Variants in CARMIL1 observed in about 807,000 individuals in gnomAD.
CARMIL1 encodes capping protein regulator and myosin 1 linker 1, also known as F-actin-uncapping protein LRRC16A.
CARMIL1 carries 90 observed loss-of-function variants against 177.1 expected under a neutral mutation model. The observed-to-expected ratio is 0.51, with a 90% CI of 0.43 to 0.61. The LOEUF is 0.61. Ranked by LOEUF, CARMIL1 falls within the 20% of genes least tolerant of loss-of-function variation. CARMIL1 has a pLI of 0.00. For missense variants in CARMIL1, 1,380 were observed against 1,667.0 expected (o/e 0.83, Z 3.00); for synonymous variants, 577 against 606.2 (o/e 0.95, Z 0.71).
At chr6:25,520,540 C>T (rs1292728907) in intron 23 of CARMIL1, among the ~76,000 whole-genome samples, 1 of 152,050 alleles carries the variant, frequency 6.6e-6, no homozygotes, top group Non-Finnish European at 1.5e-5. Context: ...CTAAAGCTTG[C>T]CATACAATTT....
rs150728537 is a variant in CARMIL1 at position 25,359,692 on chromosome 6, G to A, written c.139-60422G>A. 1.8e-3 allele frequency among the ~76,000 whole-genome samples: 268 copies of A among 152,278 alleles called. 2 individuals are homozygous for A. Among genetic ancestry groups the A allele is most frequent in the African/African-American group, 6.2e-3 (258 of 41,552 alleles). On this transcript the variant is annotated intron_variant, in intron 2 of 36. Transcript: ENST00000329474. ...CTATTGCAGCAGAGAAACTGAAATG[G>A]GAATCATTTCCTGTGGGTGCACTGA... is the stretch of plus-strand genomic sequence containing the variant.
At chr6:25,544,007 A>G (rs765761699) in intron 26 of CARMIL1, among the ~76,000 whole-genome samples, 2 of 152,146 alleles carry the variant, frequency 1.3e-5, no homozygotes, top group Non-Finnish European at 2.9e-5. Context: ...CATCAAAACA[A>G]AATCGGATTA....
intron 8 of CARMIL1, chr6:25,452,004 C>CCCCCCA: frequency 3.2e-6 from 1 of 315,370 alleles, no homozygotes; most frequent in Non-Finnish European, 6.4e-6. Context: ...CTCCCCCCCC[C>CCCCCCA]AGAATACTGT....
chr6:25,600,711 G>A lies in CARMIL1; in HGVS notation c.3517G>A (p.Ala1173Thr), dbSNP rs779244617. ...MGSGLLAEMK[A>T]KQEKRAACAQ... ...CAGTGGTCTGCTGGCAGAGATGAAA[G>A]CCAAGCAAGAGAAGAGAGCTGCGTG... is the stretch of plus-strand genomic sequence containing the variant. The change falls in exon 33 of 37, where the codon GCC becomes ACC. Residue 1173 changes from alanine (A) to threonine (T), a missense_variant. Ala to Thr is a moderately conservative substitution (Grantham distance 58). Coordinates refer to ENST00000329474, the MANE Select transcript of CARMIL1 (RefSeq NM_017640.6). 1.3e-6 allele frequency: 2 copies of A among 1,571,068 alleles called. No individual in the cohort carries two copies. The highest frequency in any genetic ancestry group is 1.2e-5 in the South Asian group (1 of 83,436).
chr6:25,415,915 A>T (rs1795313876), intron 2 of CARMIL1, among the ~76,000 whole-genome samples: 1 of 151,890 alleles, frequency 6.6e-6, no homozygotes, highest in South Asian at 2.1e-4. Flanking sequence ...CAGAAGAGGG[A>T]AAGGAGATGG....
rs554852783 is a variant in CARMIL1 at position 25,284,636 on chromosome 6, G to A, written c.41-176G>A. 6.0e-4 allele frequency among the ~76,000 whole-genome samples: 91 copies of A among 152,314 alleles called. 1 individual carries two copies. In the South Asian group the frequency reaches 8.7e-3, roughly 15 times the overall value. ...AGGCAGGAGAATCACTTGAACCCAG[G>A]AGGCGGAGGTTGCAGTGAGCCAAGA... On this transcript the variant is annotated intron_variant, in intron 1 of 36. Transcript: ENST00000329474.
intron 23 of CARMIL1, among the ~76,000 whole-genome samples, chr6:25,521,946 A>G (rs1312081930): frequency 6.6e-6 from 1 of 152,140 alleles, no homozygotes; most frequent in Non-Finnish European, 1.5e-5. Context: ...CCCCATAGGT[A>G]ACTTTGTTTC....
At chr6:25,441,357 GTGTGTGTGTGTGTGTCTA>G (rs1435745652) in intron 5 of CARMIL1, among the ~76,000 whole-genome samples, 3 of 143,904 alleles carry the variant, frequency 2.1e-5, no homozygotes, top group South Asian at 2.2e-4. Flanking sequence ...GTGTGTGTGT[GTGTGTGTGTGTGTGTCTA>G]TGTGTGTGTG....
At chr6:25,354,774 T>A (rs1045689111) in intron 2 of CARMIL1, among the ~76,000 whole-genome samples, 17 of 152,216 alleles carry the variant, frequency 1.1e-4, no homozygotes, top group Non-Finnish European at 2.4e-4. Context: ...CGAAGACTTT[T>A]CCAACGTTTC....
chr6:25,358,635 G>A (rs966364630), intron 2 of CARMIL1, among the ~76,000 whole-genome samples: 5 of 152,132 alleles, frequency 3.3e-5, no homozygotes, highest in African/African-American at 1.2e-4. Context: ...CCCAGGTCAA[G>A]CAACGCCTCT....
intron 8 of CARMIL1, among the ~76,000 whole-genome samples, chr6:25,451,831 C>G (rs769701883): frequency 2.6e-5 from 4 of 151,932 alleles, no homozygotes; most frequent in Non-Finnish European, 4.4e-5. Flanking sequence ...AGGGGTCAGC[C>G]CTACTTAATA....
intron 14 of CARMIL1, 65 bp from the exon 15 acceptor site, chr6:25,491,883 T>C: frequency 6.4e-7 from 1 of 1,555,878 alleles, no homozygotes; most frequent in Non-Finnish European, 8.8e-7. Context: ...GTAGGGGACC[T>C]CTAATAAAAG....
At chr6:25,307,023 C>A (rs934209804) in intron 2 of CARMIL1, among the ~76,000 whole-genome samples, 10 of 151,810 alleles carry the variant, frequency 6.6e-5, no homozygotes, top group Non-Finnish European at 1.0e-4. Context: ...GGCTTACAGG[C>A]GCCTGCCACC....
At position 25,515,708 on chromosome 6, in the gene CARMIL1, C is replaced by T; in HGVS notation, c.1666C>T (p.Leu556Phe). Residue 556 changes from leucine to phenylalanine, a missense_variant, in exon 21 of 37, where the codon CTC becomes TTC. Transcript: ENST00000329474. The surrounding 1 kb of genome is among the most constrained non-coding windows in gnomAD (Gnocchi z 5.0). Reference sequence around the variant, plus strand: ...GTCCTTGTCCCTGGCTGACTCGAAACTCAAGACTGAGGTCACCATCATCAT... The same window carrying T: ...GTCCTTGTCCCTGGCTGACTCGAAATTCAAGACTGAGGTCACCATCATCAT... The part of the protein sequence containing the change: ...LQSLSLADSK[L>F]KTEVTIIINA... 1 of 1,608,654 alleles carries T rather than the reference C, an allele frequency of 6.2e-7. No individual in the cohort carries two copies. The highest frequency in any genetic ancestry group is 1.1e-5 in the South Asian group (1 of 89,356).
chr6:25,561,927 C>A (rs1438758117), intron 29 of CARMIL1, among the ~76,000 whole-genome samples: 1 of 152,142 alleles, frequency 6.6e-6, no homozygotes, highest in Admixed American at 6.5e-5. Context: ...GATTAAAACA[C>A]CTTTATTTCC....
At chr6:25,562,897 G>A (rs1811258973) in intron 29 of CARMIL1, among the ~76,000 whole-genome samples, 1 of 152,150 alleles carries the variant, frequency 6.6e-6, no homozygotes, top group South Asian at 2.1e-4. Flanking sequence ...GCTTAATTTT[G>A]ACATGTAATT....
At chr6:25,590,350 CTTTGT>C (rs1393893672) in intron 31 of CARMIL1, among the ~76,000 whole-genome samples, 10 of 152,126 alleles carry the variant, frequency 6.6e-5, no homozygotes, top group Non-Finnish European at 1.3e-4. Flanking sequence ...TGAGTTTTTG[CTTTGT>C]TTTAATACAC....
chr6:25,581,613 A>T (rs565600281), intron 31 of CARMIL1, among the ~76,000 whole-genome samples, 174 bp downstream of exon 31: 1 of 152,216 alleles, frequency 6.6e-6, no homozygotes, highest in Non-Finnish European at 1.5e-5. Context: ...ACAATTTTGG[A>T]GAATGAACAG....
chr6:25,328,831 G>T (rs1015790966), intron 2 of CARMIL1, among the ~76,000 whole-genome samples: 1 of 138,858 alleles, frequency 7.2e-6, no homozygotes, highest in Non-Finnish European at 1.6e-5. Flanking sequence ...TAAAAAAAAT[G>T]CAATGAGAGG....
Sources: gnomAD v4.1 joint callset for allele counts (sites outside exome capture counted in the v4.1 genomes callset) on GRCh38, gnomAD v4.1.1 for gene constraint, Gnocchi (gnomAD v3.1) non-coding constraint, MANE v1.5 for transcripts, NCBI Gene and HGNC (gene_info 2026-07-23, HGNC 2026-07-21) for gene names.